The following SLC6A4 variants were observed in gnomAD, a reference collection of about 807,000 sequenced individuals.
SLC6A4 encodes the protein solute carrier family 6 member 4.
Under a neutral mutation model 73.4 loss-of-function variants are expected in SLC6A4, and 22 were observed. The observed-to-expected ratio is 0.30, with a 90% CI of 0.21 to 0.43. SLC6A4 has a LOEUF of 0.43. SLC6A4 is among the 20% of genes least tolerant of loss of function. The probability of loss-of-function intolerance (pLI) is 1.00; values close to 1 mark genes in which losing one functional copy is unlikely to be tolerated. For missense variants in SLC6A4, 593 were observed against 808.5 expected (o/e 0.73, Z 3.23); for synonymous variants, 270 against 315.5 (o/e 0.86, Z 1.53).
intron 1 of SLC6A4, among the ~76,000 whole-genome samples, chr17:30,231,369 G>A (rs1253323852): frequency 6.6e-6 from 1 of 150,472 alleles, no homozygotes; most frequent in Non-Finnish European, 1.5e-5. Context: ...GATACATATA[G>A]TTTATATATA....
At position 30,197,757 on chromosome 17, in the gene SLC6A4, A is replaced by G. The variant is rs201041705; in HGVS notation, c.*699T>C. 2 of 152,658 alleles carry G rather than the reference A, an allele frequency of 1.3e-5. No individual in the cohort carries two copies. The highest frequency in any genetic ancestry group is 4.8e-5 in the African/African-American group (2 of 41,578). The allele number at this position is 152,658 out of a possible 1,614,324, so 9.5% of individuals were successfully genotyped here. A position where few individuals can be genotyped will look rare whatever the true frequency, so the allele number is the denominator to read the frequency against. On this transcript the variant is annotated 3_prime_UTR_variant, in exon 15 of 15. Transcript: ENST00000650711. ...TTGTACCCTTCAAATAATAACCTCC[A>G]TACACAATTGAGTTGGTAGAATTTG...
chr17:30,231,965 C>T (rs144670816), intron 1 of SLC6A4, among the ~76,000 whole-genome samples: 2 of 152,282 alleles, frequency 1.3e-5, no homozygotes, highest in East Asian at 1.9e-4. Context: ...CCTCAAGAGC[C>T]GTGGGTGAGC....
intron 11 of SLC6A4, 45 bp from the exon 12 acceptor site, chr17:30,209,287 A>G: frequency 8.5e-7 from 1 of 1,182,032 alleles, no homozygotes; most frequent in Non-Finnish European, 1.3e-6. Flanking sequence ...CCAAGGAGCC[A>G]CCCCTCCCAA....
Position 30,215,598 on chromosome 17 carries a change from C to T in SLC6A4, c.1076+13G>A. ...CCACTTTCAAGCTTTGCTTGGGGAC[C>T]CCAGATACTCACTGGTAGCAGTTGT... On this transcript the variant is annotated intron_variant, in intron 8 of 14. Coordinates refer to ENST00000650711, the MANE Select transcript of SLC6A4 (RefSeq NM_001045.6). The T allele has an allele frequency of 6.2e-7, 1 of 1,606,074 alleles. No individual in the cohort carries two copies. The highest frequency in any genetic ancestry group is 8.5e-7 in the Non-Finnish European group (1 of 1,172,626).
rs1555591454 is a variant in SLC6A4 at position 30,230,098 on chromosome 17, G to GAAGAAGAAGAAGAAGAA, written c.-221+5514_-221+5515insTTCTTCTTCTTCTTCTT. ...AAGAAGAAGAAGAAGAAGAAGAAGA[G>GAAGAAGAAGAAGAAGAA]GAGGAAGAGGAAGAGGAAGAGGAAG... On this transcript the variant is annotated intron_variant, in intron 1 of 14. Transcript: ENST00000650711. 3.7e-3 allele frequency among the ~76,000 whole-genome samples: 335 copies of GAAGAAGAAGAAGAAGAA among 89,558 alleles called. 4 individuals are homozygous for GAAGAAGAAGAAGAAGAA. The highest frequency in any genetic ancestry group is 0.012 in the Middle Eastern group (2 of 164). 58.8% of individuals were successfully genotyped at this position (89,558 alleles called of 152,430 possible).
intron 1 of SLC6A4, among the ~76,000 whole-genome samples, chr17:30,224,816 A>G (rs750094998): frequency 9.2e-5 from 14 of 152,132 alleles, no homozygotes; most frequent in Non-Finnish European, 1.9e-4. Context: ...AAATGTGTGC[A>G]GGTAGGTAGA....
rs1905786601 is a variant in SLC6A4 at position 30,194,353 on chromosome 17, TC to T, written c.*4102del. On this transcript the variant is annotated 3_prime_UTR_variant, in exon 15 of 15. Coordinates refer to ENST00000650711, the MANE Select transcript of SLC6A4 (RefSeq NM_001045.6). The stretch of plus-strand genomic sequence containing the variant: ...TAAATCATTTATTAATATCTCACAA[TC>T]TAACTTGAAATATTTATAAACACTG... 6.6e-6 allele frequency: 1 copy of T among 152,148 alleles called. No homozygotes were observed. Among genetic ancestry groups the T allele is most frequent in the African/African-American group, 2.4e-5 (1 of 41,442 alleles). The allele number at this position is 152,148 out of a possible 1,614,324, so 9.4% of individuals were successfully genotyped here.
At position 30,211,562 on chromosome 17, in the gene SLC6A4, C is replaced by T. The variant is rs201012742; in HGVS notation, c.1205-138G>A. 1 of 648,972 alleles carries T rather than the reference C, an allele frequency of 1.5e-6. No individual in the cohort carries two copies. Among genetic ancestry groups the T allele is most frequent in the Non-Finnish European group, 2.8e-6 (1 of 352,790 alleles). The allele number at this position is 648,972 out of a possible 1,614,324, so 40.2% of individuals were successfully genotyped here. ...GTGTGAATCAGGTTTTGACACACAC[C>T]AAGTGCGTCCTCACACTCTACTCCG... On this transcript the variant is annotated intron_variant, in intron 9 of 14. Transcript: ENST00000650711. This position sits in a 1 kb window ranked among gnomAD's most constrained non-coding sequence, Gnocchi z 4.0.
Position 30,221,792 on chromosome 17 carries a change from C to T in SLC6A4, c.167G>A (p.Gly56Glu). The change falls in exon 3 of 15, where the codon GGA (glycine) becomes GAA (glutamate). Residue 56 changes from glycine (G) to glutamate (E), a missense_variant. Gly to Glu is a moderately conservative substitution (Grantham distance 98, BLOSUM62 -2). Transcript: ENST00000650711. ...TGGGATAGAGTGCCGTGTGTCATCT[C>T]CCGCACCAGGACTTGGAACTGCTGA... ...GYSAVPSPGA[G>E]DDTRHSIPAT... 2 of 1,614,172 alleles carry T rather than the reference C, an allele frequency of 1.2e-6. No individual in the cohort carries two copies. The highest frequency in any genetic ancestry group is 2.7e-5 in the African/African-American group (2 of 75,034).
At chr17:30,200,632 G>A (rs1906003286) in intron 14 of SLC6A4, among the ~76,000 whole-genome samples, 1 of 152,144 alleles carries the variant, frequency 6.6e-6, no homozygotes, top group South Asian at 2.1e-4. Context: ...TTACAGACTA[G>A]CAAGTCTGGT....
At position 30,222,916 on chromosome 17, in the gene SLC6A4, C is replaced by T. The variant is rs201659058; in HGVS notation, c.-220-1G>A. 20 of 1,078,146 alleles carry T rather than the reference C, an allele frequency of 1.9e-5. No homozygotes were observed. Among genetic ancestry groups the T allele is most frequent in the Non-Finnish European group, 2.5e-5 (20 of 784,544 alleles). 66.8% of individuals were successfully genotyped at this position (1,078,146 alleles called of 1,614,324 possible). A position where few individuals can be genotyped will look rare whatever the true frequency, so the allele number is the denominator to read the frequency against. ...CAAGGTCGCCTTGCCTCCAGGAGACCTAGGGAGAAGAGTGTGCAGGTTACT... is the reference window on the plus strand; with the variant it reads ...CAAGGTCGCCTTGCCTCCAGGAGACTTAGGGAGAAGAGTGTGCAGGTTACT... On this transcript the variant is annotated splice_acceptor_variant, in intron 1 of 14. Transcript: ENST00000650711. LOFTEE classifies it low-confidence loss of function (5UTR_SPLICE).
Position 30,217,161 on chromosome 17 carries a change from C to T in SLC6A4, c.837+5G>A. On this transcript the variant is annotated splice_donor_5th_base_variant and intron_variant, in intron 6 of 14. Coordinates refer to ENST00000650711, the MANE Select transcript of SLC6A4 (RefSeq NM_001045.6). ...GCCTGGGTCAGCAGCCAGAGCCTTCCTCACCTTGCCAGAGGTCTTGACGCC... is the reference window on the plus strand; with the variant it reads ...GCCTGGGTCAGCAGCCAGAGCCTTCTTCACCTTGCCAGAGGTCTTGACGCC... 1 of 1,612,920 alleles carries T rather than the reference C, an allele frequency of 6.2e-7. No individual in the cohort carries two copies. Among genetic ancestry groups the T allele is most frequent in the Non-Finnish European group, 8.5e-7 (1 of 1,179,402 alleles).
intron 4 of SLC6A4, 53 bp from the exon 5 acceptor site, chr17:30,218,390 C>G: frequency 7.0e-7 from 1 of 1,424,420 alleles, no homozygotes; most frequent in Non-Finnish European, 9.8e-7. Context: ...GGTGGCCCAA[C>G]GGCAAAAGGC....
intron 12 of SLC6A4, among the ~76,000 whole-genome samples, chr17:30,208,901 C>G (rs1442891603): frequency 1.3e-5 from 2 of 151,574 alleles, no homozygotes; most frequent in Non-Finnish European, 2.9e-5. Flanking sequence ...GGAGTTTCAC[C>G]ATGTTGGCCA....
chr17:30,208,697 TTTTG>T (rs1906286509), intron 12 of SLC6A4, among the ~76,000 whole-genome samples: 1 of 152,282 alleles, frequency 6.6e-6, no homozygotes, highest in East Asian at 1.9e-4. Flanking sequence ...TTTTTGGGTT[TTTTG>T]TTTGTTTCGA....
intron 14 of SLC6A4, among the ~76,000 whole-genome samples, chr17:30,199,740 C>T (rs944288928): frequency 5.3e-5 from 8 of 151,994 alleles, no homozygotes; most frequent in Admixed American, 4.6e-4. Context: ...AGGAGTCATC[C>T]GTTTAAAAAG....
At chr17:30,202,007 A>G (rs12450956) in intron 14 of SLC6A4, among the ~76,000 whole-genome samples, 76,160 of 151,796 alleles carry the variant, frequency 0.5, 19,625 homozygotes, top group East Asian at 0.81. Flanking sequence ...TGAAAGGATC[A>G]CCTGAGCCCA....
chr17:30,227,995 G>T (rs533987047), intron 1 of SLC6A4, among the ~76,000 whole-genome samples: 37 of 152,322 alleles, frequency 2.4e-4, no homozygotes, highest in African/African-American at 8.2e-4. Flanking sequence ...CTGGCCAAAA[G>T]GATACTGGAT....
chr17:30,210,485 C>A, intron 11 of SLC6A4, 30 bp downstream of exon 11: 1 of 1,605,344 alleles, frequency 6.2e-7, no homozygotes, highest in Non-Finnish European at 8.5e-7. Flanking sequence ...TAGGGGAGGC[C>A]AACTCAAAGC....
Sources: allele counts gnomAD v4.1 joint callset (sites outside exome capture counted in the v4.1 genomes callset), GRCh38; gene constraint gnomAD v4.1.1; non-coding constraint Gnocchi (gnomAD v3.1); transcripts MANE v1.5; gene names NCBI Gene and HGNC (gene_info 2026-07-23, HGNC 2026-07-21).